The following SH3PXD2A variants were observed in gnomAD, a reference collection of about 807,000 sequenced individuals.
SH3PXD2A encodes SH3 and PX domain-containing protein 2A.
SH3PXD2A carries 32 observed loss-of-function variants against 115.2 expected under a neutral mutation model. The observed-to-expected ratio is 0.28, with a 90% confidence interval of 0.21 to 0.37. SH3PXD2A has a LOEUF of 0.37. Among genes scored for constraint, SH3PXD2A ranks in the 10% least tolerant of loss-of-function variants. The pLI, the probability that SH3PXD2A is intolerant of heterozygous loss-of-function variation, is 1.00. For missense variants in SH3PXD2A, 1,328 were observed against 1,498.7 expected, an observed-to-expected ratio of 0.89 and a Z score of 1.88; for synonymous variants, 610 against 629.1, an observed-to-expected ratio of 0.97 and a Z score of 0.45.
At chr10:103,788,683 A>G (rs966792062) in intron 2 of SH3PXD2A, among the ~76,000 whole-genome samples, 2 of 152,100 alleles carry the variant, frequency 1.3e-5, no homozygotes, top group Admixed American at 6.5e-5. Context: ...CCTGGCCAAC[A>G]TGGAGAAACC....
intron 5 of SH3PXD2A, among the ~76,000 whole-genome samples, chr10:103,723,246 A>G (rs2038203654): frequency 6.6e-6 from 1 of 151,938 alleles, no homozygotes; most frequent in South Asian, 2.1e-4. Context: ...TCTCTCACCC[A>G]TCCGGTACTT....
At position 103,668,658 on chromosome 10, in the gene SH3PXD2A, G is replaced by A. The variant is rs1422073081; in HGVS notation, c.428-6C>T. On this transcript the variant is annotated splice_region_variant and splice_polypyrimidine_tract_variant and intron_variant, in intron 6 of 14. Coordinates refer to ENST00000369774, the MANE Select transcript of SH3PXD2A (RefSeq NM_001394015.1). ...AGCCCAGCTGGACAGCCACACTTCC[G>A]AGTCCCCGAGAGCAAGCGGCAGCAG... is the stretch of plus-strand genomic sequence containing the variant. 6.4e-6 allele frequency: 10 copies of A among 1,558,956 alleles called. No individual in the cohort carries two copies. Among genetic ancestry groups the A allele is most frequent in the African/African-American group, 1.4e-5 (1 of 73,358 alleles).
chr10:103,606,222 T>C (rs115605014), intron 13 of SH3PXD2A, among the ~76,000 whole-genome samples: 1,608 of 142,246 alleles, frequency 0.011, 22 homozygotes, highest in African/African-American at 0.035. Flanking sequence ...TCATCATCAT[T>C]ACTCTGAGAT....
At chr10:103,680,124 C>T (rs949267114) in intron 6 of SH3PXD2A, among the ~76,000 whole-genome samples, 5 of 152,044 alleles carry the variant, frequency 3.3e-5, no homozygotes, top group Non-Finnish European at 4.4e-5. Context: ...GGATTACAGG[C>T]GCCCACCACG....
intron 2 of SH3PXD2A, among the ~76,000 whole-genome samples, chr10:103,788,262 G>A (rs1284910841): frequency 6.6e-6 from 1 of 152,176 alleles, no homozygotes; most frequent in Non-Finnish European, 1.5e-5. Flanking sequence ...TTTTGCAGAT[G>A]GGAAGGTGGA....
intron 1 of SH3PXD2A, among the ~76,000 whole-genome samples, chr10:103,850,036 G>A (rs1433099256): frequency 2.6e-5 from 4 of 152,166 alleles, no homozygotes; most frequent in African/African-American, 9.7e-5. Flanking sequence ...GCAATTAGAA[G>A]GCAATTTACA....
chr10:103,697,125 C>G (rs1403678369), intron 5 of SH3PXD2A, among the ~76,000 whole-genome samples: 3 of 152,138 alleles, frequency 2.0e-5, no homozygotes, highest in Non-Finnish European at 4.4e-5. Context: ...GTTCAAATCC[C>G]TGCTGCTTGC....
At chr10:103,763,123 G>A (rs2038718071) in intron 3 of SH3PXD2A, among the ~76,000 whole-genome samples, 1 of 152,186 alleles carries the variant, frequency 6.6e-6, no homozygotes, top group African/African-American at 2.4e-5. Context: ...CGGCCCATGT[G>A]TGAGATTTTC....
intron 6 of SH3PXD2A, among the ~76,000 whole-genome samples, chr10:103,675,438 G>A (rs746784580): frequency 8.6e-5 from 13 of 152,038 alleles, no homozygotes; most frequent in East Asian, 5.8e-4. Flanking sequence ...CTTAAAGACA[G>A]AAAGCAAATC....
intron 1 of SH3PXD2A, among the ~76,000 whole-genome samples, chr10:103,852,065 G>A (rs768537393): frequency 5.3e-5 from 8 of 152,164 alleles, no homozygotes; most frequent in Admixed American, 2.6e-4. Flanking sequence ...CAAGACAAGC[G>A]GTCAGAGGCC....
chr10:103,825,502 C>T (rs572052311), intron 1 of SH3PXD2A, among the ~76,000 whole-genome samples: 1 of 152,214 alleles, frequency 6.6e-6, no homozygotes, highest in South Asian at 2.1e-4. Context: ...TTGAATTGTT[C>T]ATTCGAAACT....
chr10:103,704,735 G>A (rs2037961211), intron 5 of SH3PXD2A, among the ~76,000 whole-genome samples: 1 of 152,184 alleles, frequency 6.6e-6, no homozygotes, highest in South Asian at 2.1e-4. Context: ...CTGGGTGCAG[G>A]GCGGCCTGGG....
At chr10:103,752,377 G>T (rs2038588559) in intron 3 of SH3PXD2A, among the ~76,000 whole-genome samples, 1 of 152,194 alleles carries the variant, frequency 6.6e-6, no homozygotes, top group South Asian at 2.1e-4. Context: ...TAAATGCTGG[G>T]ACTATGAGAA....
intron 2 of SH3PXD2A, among the ~76,000 whole-genome samples, chr10:103,779,914 A>T (rs2134239748): frequency 6.6e-6 from 1 of 152,322 alleles, no homozygotes; most frequent in Non-Finnish European, 1.5e-5. Flanking sequence ...AACTGCAAGG[A>T]CTATCCAAAA....
At chr10:103,727,975 C>T (rs2038263275) in intron 4 of SH3PXD2A, among the ~76,000 whole-genome samples, 1 of 152,234 alleles carries the variant, frequency 6.6e-6, no homozygotes, top group Admixed American at 6.5e-5. Context: ...GCCAGGGCAC[C>T]CCCAAGCCCA....
At chr10:103,651,485 G>A (rs914136326) in intron 8 of SH3PXD2A, among the ~76,000 whole-genome samples, 1 of 152,244 alleles carries the variant, frequency 6.6e-6, no homozygotes, top group South Asian at 2.1e-4. Context: ...GCACTCTGGA[G>A]TTTGGCTTTG....
intron 6 of SH3PXD2A, among the ~76,000 whole-genome samples, chr10:103,676,147 G>T (rs531943740): frequency 7.2e-5 from 11 of 152,326 alleles, no homozygotes; most frequent in Non-Finnish European, 1.5e-4. Context: ...GGGAACAAAG[G>T]GTCCTCATGG....
intron 1 of SH3PXD2A, among the ~76,000 whole-genome samples, chr10:103,838,590 T>A (rs2039568115): frequency 6.6e-6 from 1 of 152,124 alleles, no homozygotes. Flanking sequence ...CCCCAAATGT[T>A]GGGAATGGAG....
At position 103,692,999 on chromosome 10, in the gene SH3PXD2A, GA is replaced by G. The variant is rs2037777140; in HGVS notation, c.427+28del. 3 of 1,604,794 alleles carry G rather than the reference GA, an allele frequency of 1.9e-6. No homozygotes were observed. The South Asian group carries it at 3.3e-5, about 18-fold the overall frequency. On this transcript the variant is annotated intron_variant, in intron 6 of 14. Transcript: ENST00000369774. ...CGTGCACGAAGCGGGAAGGAAGGCT[GA>G]AGGGAAAACGCCCGGAGGCTCCCTT... is the stretch of plus-strand genomic sequence containing the variant.
Sources: allele counts gnomAD v4.1 joint callset (sites outside exome capture counted in the v4.1 genomes callset), GRCh38; gene constraint gnomAD v4.1.1; transcripts MANE v1.5; gene names NCBI Gene and HGNC (gene_info 2026-07-23, HGNC 2026-07-21).